The following ARHGAP32 variants were observed in gnomAD, a reference collection of about 807,000 sequenced individuals.
ARHGAP32 encodes the protein Rho GTPase activating protein 32, also known as rho GTPase-activating protein 32.
ARHGAP32 carries 51 observed loss-of-function variants against 186.5 expected under a neutral mutation model. That is an observed-to-expected ratio of 0.27 (90% confidence interval 0.22 to 0.35). The LOEUF is 0.35. Ranked by LOEUF, ARHGAP32 falls within the 10% of genes least tolerant of loss-of-function variation. The pLI, the probability that ARHGAP32 is intolerant of heterozygous loss-of-function variation, is 1.00. For missense variants in ARHGAP32, 2,186 were observed against 2,623.5 expected, an observed-to-expected ratio of 0.83 and a Z score of 3.64; for synonymous variants, 950 against 964.3, an observed-to-expected ratio of 0.99 and a Z score of 0.27.
upstream of ARHGAP32, among the ~76,000 whole-genome samples, chr11:129,193,617 GTTATATAAT>G (rs1364091599): frequency 6.2e-5 from 3 of 48,004 alleles, no homozygotes; most frequent in South Asian, 4.5e-4. Context: ...TATAATATAT[GTTATATAAT>G]ATATATAATA....
At chr11:129,092,861 T>C (rs1406755417) in intron 6 of ARHGAP32, among the ~76,000 whole-genome samples, 1 of 151,970 alleles carries the variant, frequency 6.6e-6, no homozygotes, top group Non-Finnish European at 1.5e-5. Context: ...GAAGAAAGCT[T>C]TCCTCCTAAA....
chr11:129,077,784 C>T (rs1941092288), intron 6 of ARHGAP32, among the ~76,000 whole-genome samples: 1 of 152,136 alleles, frequency 6.6e-6, no homozygotes, highest in Admixed American at 6.5e-5. Flanking sequence ...ACTACTTATC[C>T]AGGAGACCTT....
intron 11 of ARHGAP32, among the ~76,000 whole-genome samples, chr11:129,011,568 G>A (rs546562562): frequency 6.6e-6 from 1 of 152,112 alleles, no homozygotes; most frequent in Non-Finnish European, 1.5e-5. Context: ...GGCTCAAGGG[G>A]TATGTAAAGG....
intron 1 of ARHGAP32, among the ~76,000 whole-genome samples, chr11:129,198,889 T>C (rs1312598508): frequency 6.6e-6 from 1 of 152,202 alleles, no homozygotes; most frequent in African/African-American, 2.4e-5. Flanking sequence ...TAGAGACTTG[T>C]TGAATGGCTT....
intron 6 of ARHGAP32, among the ~76,000 whole-genome samples, chr11:129,069,952 TAG>T (rs1480003611): frequency 6.6e-6 from 1 of 151,998 alleles, no homozygotes; most frequent in Non-Finnish European, 1.5e-5. Context: ...CTTTAGGAAA[TAG>T]AGAGTGTTCT....
intron 1 of ARHGAP32, among the ~76,000 whole-genome samples, chr11:129,245,408 A>G (rs1176762211): frequency 6.8e-6 from 1 of 146,230 alleles, no homozygotes; most frequent in Non-Finnish European, 1.5e-5. Context: ...ATGAGATCAC[A>G]TGGACACAGG....
intron 1 of ARHGAP32, among the ~76,000 whole-genome samples, chr11:129,227,748 C>G (rs1018342525): frequency 1.2e-4 from 19 of 152,020 alleles, no homozygotes; most frequent in African/African-American, 2.4e-5. Context: ...ATACATGAAA[C>G]AAAACTGACA....
At chr11:129,168,958 T>C (rs1308712949) in intron 1 of ARHGAP32, among the ~76,000 whole-genome samples, 2 of 152,180 alleles carry the variant, frequency 1.3e-5, no homozygotes, top group Admixed American at 1.3e-4. Context: ...AGTCTTTTTA[T>C]GTGAATGATA....
chr11:129,105,321 G>C lies in ARHGAP32; in HGVS notation c.445-11614C>G, dbSNP rs202243456. Among the ~76,000 whole-genome samples, 6 of 152,130 alleles carry C rather than the reference G, an allele frequency of 3.9e-5. No individual in the cohort carries two copies. The East Asian group carries it at 1.2e-3, about 29-fold the overall frequency. Reference sequence around the variant, plus strand: ...AGGGTAGGACACATACTCACAAAAAGCTAAGAAGTCCCTAGGTTTTCACCT... The same window carrying C: ...AGGGTAGGACACATACTCACAAAAACCTAAGAAGTCCCTAGGTTTTCACCT... On this transcript the variant is annotated intron_variant, in intron 5 of 22. Coordinates refer to ENST00000682385, the MANE Select transcript of ARHGAP32 (RefSeq NM_001378024.1).
At chr11:129,271,072 C>T (rs564444511) in intron 1 of ARHGAP32, among the ~76,000 whole-genome samples, 5 of 152,238 alleles carry the variant, frequency 3.3e-5, no homozygotes, top group South Asian at 2.1e-4. Flanking sequence ...TTTATTTCCA[C>T]GGTAAAATGT....
intron 1 of ARHGAP32, among the ~76,000 whole-genome samples, chr11:129,221,897 A>G (rs1944717576): frequency 6.6e-6 from 1 of 152,118 alleles, no homozygotes; most frequent in Non-Finnish European, 1.5e-5. Flanking sequence ...ACGTACCCAC[A>G]GTATGTTACT....
intron 1 of ARHGAP32, among the ~76,000 whole-genome samples, chr11:129,262,495 T>C (rs1945336866): frequency 6.6e-6 from 1 of 152,130 alleles, no homozygotes; most frequent in Non-Finnish European, 1.5e-5. Context: ...GCGATTCTTA[T>C]GTCTCAGCCT....
At chr11:129,026,200 T>C (rs1938840551) in intron 11 of ARHGAP32, among the ~76,000 whole-genome samples, 2 of 152,196 alleles carry the variant, frequency 1.3e-5, no homozygotes, top group South Asian at 4.1e-4. Flanking sequence ...ACTATATAGT[T>C]ATGTTCCAAC....
At chr11:129,029,812 A>C (rs1398540606) in intron 11 of ARHGAP32, among the ~76,000 whole-genome samples, 9 of 150,258 alleles carry the variant, frequency 6.0e-5, no homozygotes, top group African/African-American at 2.2e-4. Context: ...AAAAAAAAAA[A>C]AAAAAAAAAA....
chr11:129,263,628 G>A (rs949325165), intron 1 of ARHGAP32, among the ~76,000 whole-genome samples: 1 of 148,648 alleles, frequency 6.7e-6, no homozygotes. Flanking sequence ...GAGAGGGGGA[G>A]GGGAGAGGGA....
At chr11:129,174,852 C>T (rs1943875101) in intron 1 of ARHGAP32, among the ~76,000 whole-genome samples, 1 of 150,290 alleles carries the variant, frequency 6.7e-6, no homozygotes, top group Admixed American at 6.6e-5. Context: ...AAAAACAGAA[C>T]AGAAAAACTG....
At chr11:128,992,447 C>CCAA (rs1463685699) in intron 12 of ARHGAP32, among the ~76,000 whole-genome samples, 303 of 151,256 alleles carry the variant, frequency 2.0e-3, no homozygotes, top group African/African-American at 5.3e-3. Context: ...ACCACCACCA[C>CCAA]CAACAACAAC....
upstream of ARHGAP32, among the ~76,000 whole-genome samples, chr11:129,194,639 G>T (rs116595058): frequency 0.011 from 1,646 of 152,044 alleles, 30 homozygotes; most frequent in African/African-American, 0.038. Context: ...ACAGACAGCT[G>T]GAGAAGAGGA....
chr11:129,211,389 C>T (rs928864423), intron 1 of ARHGAP32, among the ~76,000 whole-genome samples: 2 of 152,088 alleles, frequency 1.3e-5, no homozygotes, highest in Non-Finnish European at 2.9e-5. Flanking sequence ...GTTTTTGAAC[C>T]AATATCAATA....
Sources: allele counts gnomAD v4.1 joint callset (sites outside exome capture counted in the v4.1 genomes callset), GRCh38; gene constraint gnomAD v4.1.1; transcripts MANE v1.5; gene names NCBI Gene and HGNC (gene_info 2026-07-23, HGNC 2026-07-21).